JARID2: variants seen among roughly 807,000 people sequenced by gnomAD.
JARID2 encodes the protein protein Jumonji.
Under a neutral mutation model 125.6 loss-of-function variants are expected in JARID2, and 21 were observed. The ratio of observed to expected loss-of-function variants is 0.17; its 90% CI spans 0.12 to 0.24. JARID2 has a LOEUF of 0.24. JARID2 is among the 10% of genes least tolerant of loss of function. The probability of loss-of-function intolerance (pLI) is 1.00; values close to 1 mark genes in which losing one functional copy is unlikely to be tolerated. For missense variants in JARID2, 1,303 were observed against 1,639.6 expected (o/e 0.79, Z 3.55); for synonymous variants, 736 against 661.6 (o/e 1.11, Z -1.73).
intron 1 of JARID2, among the ~76,000 whole-genome samples, chr6:15,250,740 T>C (rs1194917187): frequency 6.6e-6 from 1 of 152,224 alleles, no homozygotes; most frequent in Non-Finnish European, 1.5e-5. Flanking sequence ...TAATGCCTGT[T>C]TCCTCATAGT....
intron 17 of JARID2, among the ~76,000 whole-genome samples, chr6:15,518,426 T>C (rs554867128): frequency 6.6e-6 from 1 of 152,334 alleles, no homozygotes; most frequent in East Asian, 1.9e-4. Context: ...AACTGCATAC[T>C]CTGTAGTGGC....
At chr6:15,318,369 G>A (rs754013716) in intron 1 of JARID2, among the ~76,000 whole-genome samples, 4 of 152,258 alleles carry the variant, frequency 2.6e-5, no homozygotes, top group Admixed American at 6.5e-5. Flanking sequence ...GTGAGGTGCA[G>A]GGGGATGAGG....
At position 15,452,041 on chromosome 6, in the gene JARID2, C is replaced by G. The variant is rs1169792388; in HGVS notation, c.359C>G (p.Ser120Cys). ...RLQAQRKFAQ[S>C]QPNSPSTTPV... ...CAAGCACAAAGGAAGTTTGCTCAGT[C>G]TCAGCCGAATAGTCCCAGCACAACT... is the stretch of plus-strand genomic sequence containing the variant. Residue 120 changes from serine (S) to cysteine (C), a missense_variant, in exon 4 of 18, where the codon TCT becomes TGT. Transcript: ENST00000341776. 6.2e-7 allele frequency: 1 copy of G among 1,613,880 alleles called. No homozygotes were observed. Among genetic ancestry groups the G allele is most frequent in the African/African-American group, 1.3e-5 (1 of 74,874 alleles).
rs149787277 is a variant in JARID2 at position 15,362,875 on chromosome 6, G to T, written c.46-11242G>T. Among the ~76,000 whole-genome samples the T allele has an allele frequency of 2.0e-5, 3 of 152,266 alleles. No individual in the cohort carries two copies. In the East Asian group the frequency reaches 5.8e-4, roughly 29 times the overall value. On this transcript the variant is annotated intron_variant, in intron 1 of 17. Coordinates refer to ENST00000341776, the MANE Select transcript of JARID2 (RefSeq NM_004973.4). ...ATCCAAGGAATTGAGAGACAGACAGGATTACCTGGATTTTGAAAGCAAATG... is the reference window on the plus strand; with the variant it reads ...ATCCAAGGAATTGAGAGACAGACAGTATTACCTGGATTTTGAAAGCAAATG...
rs1206736729 is a variant in JARID2, at chr6:15,418,873, G to C, written c.323+8508G>C. 2.0e-5 allele frequency among the ~76,000 whole-genome samples: 3 copies of C among 152,266 alleles called. 1 individual carries two copies. Among genetic ancestry groups the C allele is most frequent in the Admixed American group, 2.0e-4 (3 of 15,292 alleles). ...CAGGTATGATATTCACAGCTACATT[G>C]TCTGCACGACTGTGTTCCTTATTCT... On this transcript the variant is annotated intron_variant, in intron 3 of 17. Transcript: ENST00000341776.
intron 3 of JARID2, among the ~76,000 whole-genome samples, chr6:15,428,015 T>G (rs1766805873): frequency 6.6e-6 from 1 of 152,190 alleles, no homozygotes; most frequent in Non-Finnish European, 1.5e-5. Flanking sequence ...TGTCGCCGTA[T>G]ACTTCCTGTT....
At chr6:15,361,632 G>A (rs1414215853) in intron 1 of JARID2, among the ~76,000 whole-genome samples, 2 of 151,544 alleles carry the variant, frequency 1.3e-5, no homozygotes, top group African/African-American at 4.8e-5. Context: ...TTTTTTTGGC[G>A]GGAGGGTGGG....
intron 1 of JARID2, among the ~76,000 whole-genome samples, chr6:15,350,368 G>C (rs755862726): frequency 4.6e-5 from 7 of 152,180 alleles, no homozygotes; most frequent in Non-Finnish European, 8.8e-5. Flanking sequence ...GACCTCACCT[G>C]GCTCACTCAG....
chr6:15,449,723 A>AT (rs932839666), intron 3 of JARID2, among the ~76,000 whole-genome samples: 31 of 152,012 alleles, frequency 2.0e-4, no homozygotes, highest in South Asian at 8.3e-4. Context: ...TTGTTTGTAG[A>AT]TTTTTTTTAA....
At chr6:15,256,676 C>T (rs1034409667) in intron 1 of JARID2, among the ~76,000 whole-genome samples, 4 of 152,162 alleles carry the variant, frequency 2.6e-5, no homozygotes, top group Admixed American at 6.5e-5. Flanking sequence ...AGGAGCCCAC[C>T]GTGTTTGTCT....
chr6:15,298,224 G>T (rs1247654283), intron 1 of JARID2, among the ~76,000 whole-genome samples: 3 of 152,126 alleles, frequency 2.0e-5, no homozygotes, highest in African/African-American at 7.2e-5. Flanking sequence ...AGTATCTTCT[G>T]GATTCCGCTC....
chr6:15,402,407 A>G (rs1765473599), intron 2 of JARID2, among the ~76,000 whole-genome samples: 1 of 152,240 alleles, frequency 6.6e-6, no homozygotes, highest in South Asian at 2.1e-4. Flanking sequence ...GTAGAAGAAT[A>G]TCATTAGCTA....
chr6:15,447,067 G>C (rs927357116), intron 3 of JARID2, among the ~76,000 whole-genome samples: 1 of 152,058 alleles, frequency 6.6e-6, no homozygotes, highest in Non-Finnish European at 1.5e-5. Context: ...GCTCGTATCC[G>C]TCTTCTTCTG....
intron 1 of JARID2, among the ~76,000 whole-genome samples, chr6:15,264,064 C>A (rs962073607): frequency 2.6e-4 from 39 of 152,122 alleles, no homozygotes; most frequent in African/African-American, 9.2e-4. Context: ...TGGCTAATTT[C>A]AGGCAATTTT....
At chr6:15,465,927 C>T (rs1426195212) in intron 4 of JARID2, among the ~76,000 whole-genome samples, 1 of 152,082 alleles carries the variant, frequency 6.6e-6, no homozygotes. Flanking sequence ...TCTCAGCCTC[C>T]CGAGTAGCTG....
At chr6:15,401,663 G>C (rs990035437) in intron 2 of JARID2, among the ~76,000 whole-genome samples, 1 of 152,046 alleles carries the variant, frequency 6.6e-6, no homozygotes, top group African/African-American at 2.4e-5. Flanking sequence ...TAAACTTCGA[G>C]TGCTCTTGAT....
At chr6:15,284,429 C>T (rs2127383954) in intron 1 of JARID2, among the ~76,000 whole-genome samples, 1 of 152,128 alleles carries the variant, frequency 6.6e-6, no homozygotes, top group East Asian at 1.9e-4. Context: ...TAGGAAACAG[C>T]TCTGGGCTAT....
intron 2 of JARID2, among the ~76,000 whole-genome samples, chr6:15,389,177 T>G (rs1026520375): frequency 3.3e-5 from 5 of 152,184 alleles, no homozygotes; most frequent in African/African-American, 1.2e-4. Context: ...TTTATTTAAC[T>G]GTTTGTTTTT....
chr6:15,501,202 G>A lies in JARID2; in HGVS notation c.2241G>A (p.Lys747=). The A allele has an allele frequency of 6.2e-7, 1 of 1,614,080 alleles. No individual in the cohort carries two copies. The highest frequency in any genetic ancestry group is 1.6e-4 in the Middle Eastern group (1 of 6,062). ...LEGHTENDHH[K]FHPLPRFEPK... The stretch of plus-strand genomic sequence containing the variant: ...GCCACACAGAGAACGACCACCACAA[G>A]TTCCACCCTCTGCCCCGCTTCGAGC... Residue 747 remains lysine (K), a synonymous_variant, in exon 8 of 18, where the codon AAG becomes AAA. Coordinates refer to ENST00000341776, the MANE Select transcript of JARID2 (RefSeq NM_004973.4).
Sources: allele counts gnomAD v4.1 joint callset (sites outside exome capture counted in the v4.1 genomes callset), GRCh38; gene constraint gnomAD v4.1.1; transcripts MANE v1.5; gene names NCBI Gene and HGNC (gene_info 2026-07-23, HGNC 2026-07-21).